LIMK2: variants seen among roughly 807,000 people sequenced by gnomAD.
LIMK2 encodes LIM domain kinase 2.
A neutral mutation model predicts 75.7 loss-of-function variants in LIMK2; 35 were observed. The observed-to-expected ratio is 0.46, with a 90% confidence interval of 0.35 to 0.61. LIMK2 has a LOEUF of 0.61. LIMK2 is among the 20% of genes least tolerant of loss of function. The pLI, the probability that LIMK2 is intolerant of heterozygous loss-of-function variation, is 0.00. For synonymous variants in LIMK2, 301 were observed against 319.2 expected (o/e 0.94, Z 0.61); for missense variants, 623 against 831.0 (o/e 0.75, Z 3.08).
chr22:31,225,437 C>T (rs2048469604), intron 1 of LIMK2, among the ~76,000 whole-genome samples: 1 of 152,120 alleles, frequency 6.6e-6, no homozygotes, highest in African/African-American at 2.4e-5. Flanking sequence ...TAGAAAAAGG[C>T]AAGTTTTGTT....
intron 1 of LIMK2, among the ~76,000 whole-genome samples, chr22:31,224,668 T>G (rs978968944): frequency 3.3e-5 from 5 of 152,258 alleles, no homozygotes; most frequent in African/African-American, 1.2e-4. Flanking sequence ...GTTCTTCCCC[T>G]TTTATACCCA....
chr22:31,271,372 C>T (rs777809911), intron 12 of LIMK2, among the ~76,000 whole-genome samples, 171 bp downstream of exon 12: 2 of 152,042 alleles, frequency 1.3e-5, no homozygotes, highest in African/African-American at 2.4e-5. Flanking sequence ...CTGGGAGCTC[C>T]GAGACACACA....
intron 1 of LIMK2, among the ~76,000 whole-genome samples, chr22:31,219,725 C>A (rs998810199): frequency 6.6e-6 from 1 of 152,174 alleles, no homozygotes; most frequent in South Asian, 2.1e-4. Flanking sequence ...GCGCCCATCA[C>A]CATGCCCGGC....
chr22:31,224,386 C>CT (rs1245332483), intron 1 of LIMK2, among the ~76,000 whole-genome samples: 1 of 152,218 alleles, frequency 6.6e-6, no homozygotes, highest in African/African-American at 2.4e-5. Context: ...TCTACAAAGA[C>CT]TTTCCTGGTT....
chr22:31,237,251 ACT>A, intron 2 of LIMK2, among the ~76,000 whole-genome samples: 2 of 121,994 alleles, frequency 1.6e-5, no homozygotes, highest in African/African-American at 3.2e-5. Flanking sequence ...ACAGAGCAAG[ACT>A]CTGTCTCAAA....
intron 1 of LIMK2, among the ~76,000 whole-genome samples, chr22:31,220,731 G>C (rs1421506388): frequency 6.6e-6 from 1 of 152,228 alleles, no homozygotes; most frequent in East Asian, 1.9e-4. Context: ...GGGAGGCCGA[G>C]GTGGGCAGAC....
intron 2 of LIMK2, among the ~76,000 whole-genome samples, chr22:31,233,079 TGACCTC>T (rs2048542928): frequency 6.6e-6 from 1 of 152,216 alleles, no homozygotes; most frequent in South Asian, 2.1e-4. Flanking sequence ...TCATCTTATA[TGACCTC>T]CCAAACTGCA....
chr22:31,268,738 C>T (rs1000250557), intron 11 of LIMK2, among the ~76,000 whole-genome samples: 5 of 152,194 alleles, frequency 3.3e-5, no homozygotes, highest in Non-Finnish European at 5.9e-5. Flanking sequence ...TGAGTGCCCT[C>T]TATATGCTAG....
intron 15 of LIMK2, chr22:31,277,692 G>A (rs970970049): frequency 1.2e-5 from 4 of 328,932 alleles, no homozygotes; most frequent in Non-Finnish European, 1.7e-5. Context: ...TTACAGCAGC[G>A]AACAAAATAA....
At chr22:31,231,767 T>C (rs1331847600) in intron 2 of LIMK2, among the ~76,000 whole-genome samples, 1 of 152,202 alleles carries the variant, frequency 6.6e-6, no homozygotes, top group African/African-American at 2.4e-5. Context: ...TTAAACGTTG[T>C]ATTAAGAACC....
At chr22:31,254,673 T>A (rs1178230624) in intron 2 of LIMK2, among the ~76,000 whole-genome samples, 1 of 152,182 alleles carries the variant, frequency 6.6e-6, no homozygotes, top group African/African-American at 2.4e-5. Flanking sequence ...TAATCCTCAC[T>A]GCAGGCCAGG....
chr22:31,246,183 G>GCGCGCGCACACACACACA (rs746599250), intron 2 of LIMK2, among the ~76,000 whole-genome samples: 1 of 134,994 alleles, frequency 7.4e-6, no homozygotes, highest in Non-Finnish European at 1.6e-5. Context: ...ACGCACGCAC[G>GCGCGCGCACACACACACA]CACACACACA....
At chr22:31,224,307 C>A (rs1168731479) in intron 1 of LIMK2, among the ~76,000 whole-genome samples, 1 of 152,208 alleles carries the variant, frequency 6.6e-6, no homozygotes, top group Non-Finnish European at 1.5e-5. Flanking sequence ...AACCCTTCAC[C>A]CTCCTTTCTC....
rs1267456597 is a variant in LIMK2 at position 31,278,483 on chromosome 22, A to G, written c.*42A>G. On this transcript the variant is annotated 3_prime_UTR_variant, in exon 16 of 16. Transcript: ENST00000331728. ...TGCAGGGGGGTGTTCTACAGCCAGC[A>G]TTGCCCCTCTGTGCCCCATTCCTGC... The G allele has an allele frequency of 6.4e-7, 1 of 1,551,078 alleles. No homozygotes were observed. The highest frequency in any genetic ancestry group is 2.0e-5 in the Admixed American group (1 of 51,070).
chr22:31,258,963 G>A, intron 3 of LIMK2, 158 bp from the exon 4 acceptor site: 1 of 573,260 alleles, frequency 1.7e-6, no homozygotes, highest in Non-Finnish European at 3.2e-6. Context: ...GTACCAATCT[G>A]ACACTTCCTT....
At chr22:31,274,607 G>A (rs2048993972) in intron 14 of LIMK2, among the ~76,000 whole-genome samples, 1 of 152,082 alleles carries the variant, frequency 6.6e-6, no homozygotes, top group African/African-American at 2.4e-5. Flanking sequence ...CGCCATATTG[G>A]CCAGGCTGGT....
At chr22:31,256,915 C>A (rs980089479) in intron 2 of LIMK2, among the ~76,000 whole-genome samples, 5 of 152,098 alleles carry the variant, frequency 3.3e-5, no homozygotes, top group Admixed American at 6.5e-5. Flanking sequence ...GAGCTCTTAG[C>A]TGTGTGTGTT....
chr22:31,239,866 C>A (rs2048609530), intron 2 of LIMK2, among the ~76,000 whole-genome samples: 1 of 152,172 alleles, frequency 6.6e-6, no homozygotes, highest in Non-Finnish European at 1.5e-5. Context: ...CCAGTATGCA[C>A]CATTACCATC....
At position 31,246,178 on chromosome 22, in the gene LIMK2, C is replaced by T. The variant is rs562326593; in HGVS notation, c.117-12113C>T. Among the ~76,000 whole-genome samples, 4 of 121,180 alleles carry T rather than the reference C, an allele frequency of 3.3e-5. No individual in the cohort carries two copies. In the East Asian group the frequency reaches 1.3e-3, roughly 41 times the overall value. The allele number at this position is 121,180 out of a possible 152,430, so 79.5% of individuals were successfully genotyped here. A position where few individuals can be genotyped will look rare whatever the true frequency, so the allele number is the denominator to read the frequency against. Reference sequence around the variant, plus strand: ...ACAGAGCGAGACTCCGACACACGCACGCACGCACACACACACACACACACA... The same window carrying T: ...ACAGAGCGAGACTCCGACACACGCATGCACGCACACACACACACACACACA... On this transcript the variant is annotated intron_variant, in intron 2 of 15. Transcript: ENST00000331728.
Sources: gnomAD v4.1 joint callset for allele counts (sites outside exome capture counted in the v4.1 genomes callset) on GRCh38, gnomAD v4.1.1 for gene constraint, MANE v1.5 for transcripts, NCBI Gene and HGNC (gene_info 2026-07-23, HGNC 2026-07-21) for gene names.